LCN6: variants seen among roughly 807,000 people sequenced by gnomAD.
LCN6 encodes the protein epididymal-specific lipocalin-6.
LCN6 carries 20 observed loss-of-function variants against 21.4 expected under a neutral mutation model. The observed-to-expected ratio is 0.93, with a 90% confidence interval of 0.66 to 1.36. LCN6 has a LOEUF of 1.36. Among genes scored for constraint, LCN6 ranks in the 40% most tolerant of loss-of-function variants. The pLI is 0.00. For missense variants in LCN6, 217 were observed against 206.6 expected (o/e 1.05, Z -0.31); for synonymous variants, 96 against 89.0 (o/e 1.08, Z -0.44).
At position 136,748,421 on chromosome 9, in the gene LCN6, C is replaced by T. The variant is rs748081212; in HGVS notation, c.63G>A (p.Val21=). The T allele has an allele frequency of 6.2e-7, 1 of 1,613,002 alleles. No homozygotes were observed. Among genetic ancestry groups the T allele is most frequent in the East Asian group, 2.2e-5 (1 of 44,888 alleles). Residue 21 remains valine, a synonymous_variant, in exon 1 of 7, where the codon GTG becomes GTA. Coordinates refer to ENST00000341206, the MANE Select transcript of LCN6 (RefSeq NM_198946.3). ...ALVSVPRAQA[V]WLGRLDPEQL... Reference sequence around the variant, plus strand: ...GCTCAGGGTCCAGTCTTCCCAACCACACGGCCTGGGCCCTGGGCACCGAGA... The same window carrying T: ...GCTCAGGGTCCAGTCTTCCCAACCATACGGCCTGGGCCCTGGGCACCGAGA...
chr9:136,746,023 C>A (rs970314554), intron 2 of LCN6, 109 bp from the exon 3 acceptor site: 17 of 904,266 alleles, frequency 1.9e-5, no homozygotes, highest in Non-Finnish European at 2.7e-5. Context: ...GAGGCCAGAG[C>A]TTCCATCTTC....
intron 2 of LCN6, chr9:136,747,053 G>T: frequency 5.3e-6 from 1 of 189,500 alleles, no homozygotes; most frequent in Non-Finnish European, 1.1e-5. Flanking sequence ...TCTTAGGTCC[G>T]AATGCATTAT....
intron 2 of LCN6, among the ~76,000 whole-genome samples, chr9:136,746,599 C>T (rs905814980): frequency 2.6e-5 from 4 of 151,550 alleles, no homozygotes; most frequent in African/African-American, 9.7e-5. Context: ...GGTCCCAGCT[C>T]GCCCTGAGGC....
chr9:136,744,512 A>C lies in LCN6; in HGVS notation c.*22+128T>G. The C allele has an allele frequency of 1.7e-6, 1 of 597,082 alleles. No homozygotes were observed. The highest frequency in any genetic ancestry group is 3.0e-6 in the Non-Finnish European group (1 of 334,498). The allele number at this position is 597,082 out of a possible 1,614,324, so 37.0% of individuals were successfully genotyped here. A position where few individuals can be genotyped will look rare whatever the true frequency, so the allele number is the denominator to read the frequency against. On this transcript the variant is annotated intron_variant, in intron 5 of 6. Coordinates refer to ENST00000341206, the MANE Select transcript of LCN6 (RefSeq NM_198946.3). The surrounding 1 kb of genome is among the most constrained non-coding windows in gnomAD (Gnocchi z 4.2). ...GGTGAAGACCCCCTCAGCCTGCCTG[A>C]CTCCTTCAGGGCGACTGAGTCAGGC...
rs1318945512 is a variant in LCN6 at position 136,747,442 on chromosome 9, G to A, written c.212C>T (p.Thr71Met). ...CACTCACCCGTGCTGAGAGGACAGC[G>A]TCCGCAGGTTGTTTTCTGGAGTGAG... ...VTLTPENNLR[T>M]LSSQHGLGGC... Residue 71 changes from threonine to methionine, a missense_variant, in exon 2 of 7, where the codon ACG becomes ATG. By Grantham distance (81) the Thr-to-Met change is moderately conservative. Transcript: ENST00000341206. 14 of 1,613,422 alleles carry A rather than the reference G, an allele frequency of 8.7e-6. No homozygotes were observed. In the South Asian group the frequency reaches 8.8e-5, roughly 10 times the overall value.
At chr9:136,747,710 AACCCTCCAGCCTCCAGCCTTCCAG>A in intron 1 of LCN6, 147 bp from the exon 2 acceptor site, 1 of 959,558 alleles carries the variant, frequency 1.0e-6, no homozygotes. Flanking sequence ...TCCAGCCTCC[AACCCTCCAGCCTCCAGCCTTCCAG>A]CCCTGCAGCC....
At chr9:136,746,002 C>T (rs1847032214) in intron 2 of LCN6, 88 bp from the exon 3 acceptor site, 2 of 1,154,334 alleles carry the variant, frequency 1.7e-6, no homozygotes, top group South Asian at 2.5e-5. Context: ...CAGGCCAGGC[C>T]AGCCAGCAGT....
intron 3 of LCN6, 162 bp downstream of exon 3, chr9:136,745,682 A>G: frequency 1.4e-6 from 1 of 696,306 alleles, no homozygotes; most frequent in Non-Finnish European, 2.5e-6. Context: ...TCCTCTGTCC[A>G]GGGGCTTCTC....
At chr9:136,745,147 T>C (rs537772066) in intron 4 of LCN6, 23 bp downstream of exon 4, 3 of 1,408,484 alleles carry the variant, frequency 2.1e-6, no homozygotes, top group Admixed American at 1.7e-5. Context: ...GCTCCCTACG[T>C]GGGCCCCGCA....
Position 136,744,759 on chromosome 9 carries a change from G to A in LCN6, c.413-18C>T, listed in dbSNP as rs764609905. 3 of 1,590,990 alleles carry A rather than the reference G, an allele frequency of 1.9e-6. No homozygotes were observed. The South Asian group carries it at 3.3e-5, about 18-fold the overall frequency. ...CGTCAGACCTGGGGGCACCAGGGCA[G>A]TGCAGGGGGAAGCAACCTCTGAGAG... is the stretch of plus-strand genomic sequence containing the variant. On this transcript the variant is annotated intron_variant, in intron 4 of 6. Transcript: ENST00000341206. The surrounding 1 kb of genome is among the most constrained non-coding windows in gnomAD (Gnocchi z 4.2).
intron 2 of LCN6, 62 bp from the exon 3 acceptor site, chr9:136,745,976 A>G: frequency 6.7e-7 from 1 of 1,491,000 alleles, no homozygotes; most frequent in Non-Finnish European, 9.4e-7. Flanking sequence ...GTGAGAGGAG[A>G]CGGAGCTCAG....
At position 136,744,394 on chromosome 9, in the gene LCN6, A is replaced by G. The variant is rs1382754429; in HGVS notation, c.*23-30T>C. 9.1e-6 allele frequency: 4 copies of G among 438,318 alleles called. No individual in the cohort carries two copies. The highest frequency in any genetic ancestry group is 2.0e-5 in the African/African-American group (1 of 50,946). The allele number at this position is 438,318 out of a possible 1,614,324, so 27.2% of individuals were successfully genotyped here. A position where few individuals can be genotyped will look rare whatever the true frequency, so the allele number is the denominator to read the frequency against. ...AAGGGGAGGCAAGACTGGCTGTGAA[A>G]AAGGACTGAGCCCCCCAGCACCCCA... On this transcript the variant is annotated intron_variant, in intron 5 of 6. Coordinates refer to ENST00000341206, the MANE Select transcript of LCN6 (RefSeq NM_198946.3). The surrounding 1 kb of genome is among the most constrained non-coding windows in gnomAD (Gnocchi z 4.2).
chr9:136,747,106 C>T (rs1847048719), intron 2 of LCN6: 2 of 309,060 alleles, frequency 6.5e-6, no homozygotes, highest in Admixed American at 4.7e-5. Context: ...GCTGAGAGGA[C>T]AGGCTTCCCC....
At position 136,745,183 on chromosome 9, in the gene LCN6, G is replaced by A. The variant is rs749403179; in HGVS notation, c.399C>T (p.Thr133=). The change falls in exon 4 of 7, where the codon ACC becomes ACT. Residue 133 remains threonine (T), a synonymous_variant. Coordinates refer to ENST00000341206, the MANE Select transcript of LCN6 (RefSeq NM_198946.3). ...CAGCACACTTACTGTACAGCTCCAC[G>A]GTGTTGAAGGGCTCGTCCCCGAACT... ...QLEFGDEPFN[T]VELYSLTETA... 1.4e-5 allele frequency: 22 copies of A among 1,610,286 alleles called. No individual in the cohort carries two copies. The highest frequency in any genetic ancestry group is 5.5e-5 in the South Asian group (5 of 91,020).
rs755640809 is a variant in LCN6, at chr9:136,745,159, A to G, written c.412+11T>C. 1.3e-6 allele frequency: 2 copies of G among 1,571,778 alleles called. No homozygotes were observed. Among genetic ancestry groups the G allele is most frequent in the Non-Finnish European group, 8.8e-7 (1 of 1,142,184 alleles). On this transcript the variant is annotated intron_variant, in intron 4 of 6. Transcript: ENST00000341206. The stretch of plus-strand genomic sequence containing the variant: ...ACAGCTCCCTACGTGGGCCCCGCAC[A>G]GCACACTTACTGTACAGCTCCACGG...
At chr9:136,747,827 T>G (rs1213749586) in intron 1 of LCN6, among the ~76,000 whole-genome samples, 1 of 125,776 alleles carries the variant, frequency 8.0e-6, no homozygotes, top group Admixed American at 7.9e-5. Flanking sequence ...CCTTCCAGCC[T>G]TGCAGCCTCT....
At chr9:136,747,677 TCCAACCATCCAGCCC>T in intron 1 of LCN6, 114 bp from the exon 2 acceptor site, 2 of 892,598 alleles carry the variant, frequency 2.2e-6, no homozygotes, top group African/African-American at 5.0e-5. Flanking sequence ...GCCTCCACCC[TCCAACCATCCAGCCC>T]TCCAGCCTCC....
At chr9:136,747,621 T>TC in intron 1 of LCN6, 58 bp from the exon 2 acceptor site, 2 of 1,497,198 alleles carry the variant, frequency 1.3e-6, no homozygotes, top group African/African-American at 4.4e-5. Context: ...GCCTCCAGCC[T>TC]CCAACCCTCC....
chr9:136,744,580 C>T lies in LCN6; in HGVS notation c.*22+60G>A, dbSNP rs1847007466. 2 of 1,076,308 alleles carry T rather than the reference C, an allele frequency of 1.9e-6. No homozygotes were observed. Among genetic ancestry groups the T allele is most frequent in the Non-Finnish European group, 1.4e-6 (1 of 716,668 alleles). 66.7% of individuals were successfully genotyped at this position (1,076,308 alleles called of 1,614,324 possible). ...CCAGGGTCTCTGTCACCCCATCACG[C>T]CCTGTGGGCTCCAGAACTTGCCCCA... On this transcript the variant is annotated intron_variant, in intron 5 of 6. Coordinates refer to ENST00000341206, the MANE Select transcript of LCN6 (RefSeq NM_198946.3). The surrounding 1 kb of genome is among the most constrained non-coding windows in gnomAD (Gnocchi z 4.2).
Sources: gnomAD v4.1 joint callset for allele counts (sites outside exome capture counted in the v4.1 genomes callset) on GRCh38, gnomAD v4.1.1 for gene constraint, Gnocchi (gnomAD v3.1) non-coding constraint, MANE v1.5 for transcripts, NCBI Gene and HGNC (gene_info 2026-07-23, HGNC 2026-07-21) for gene names.